ZNF280D: variants seen among roughly 807,000 people sequenced by gnomAD.
ZNF280D encodes suppressor of hairy wing homolog 4.
In ZNF280D, 39 loss-of-function variants were observed where a neutral mutation model predicts 94.7. The ratio of observed to expected loss-of-function variants is 0.41; its 90% CI spans 0.32 to 0.54. ZNF280D has a LOEUF of 0.54. ZNF280D is among the 20% of genes least tolerant of loss of function. ZNF280D has a pLI of 0.22. For synonymous variants in ZNF280D, 398 were observed against 377.6 expected, an observed-to-expected ratio of 1.05 and a Z score of -0.63; for missense variants, 1,090 against 1,149.3, an observed-to-expected ratio of 0.95 and a Z score of 0.75.
At chr15:56,672,483 T>C (rs904667210) in intron 13 of ZNF280D, among the ~76,000 whole-genome samples, 1 of 152,152 alleles carries the variant, frequency 6.6e-6, no homozygotes, top group African/African-American at 2.4e-5. Context: ...GTCACATTTA[T>C]TGATTTGCAT....
At chr15:56,662,860 T>C in intron 16 of ZNF280D, among the ~76,000 whole-genome samples, 1 of 145,954 alleles carries the variant, frequency 6.9e-6, no homozygotes, top group Non-Finnish European at 1.5e-5. Flanking sequence ...GCAAAATAGA[T>C]GAATAGTACA....
intron 13 of ZNF280D, among the ~76,000 whole-genome samples, chr15:56,669,438 G>A (rs2054523334): frequency 6.6e-6 from 1 of 151,874 alleles, no homozygotes; most frequent in African/African-American, 2.4e-5. Context: ...ATAAACCAAT[G>A]CTGTCCAATA....
chr15:56,678,072 A>T (rs2055364013), intron 11 of ZNF280D, among the ~76,000 whole-genome samples: 1 of 151,332 alleles, frequency 6.6e-6, no homozygotes, highest in African/African-American at 2.4e-5. Flanking sequence ...CAATGGCGCA[A>T]TCTCGGCTTA....
intron 13 of ZNF280D, among the ~76,000 whole-genome samples, chr15:56,673,194 G>C (rs534568793): frequency 6.6e-6 from 1 of 151,906 alleles, no homozygotes; most frequent in South Asian, 2.1e-4. Flanking sequence ...TAACATTACT[G>C]CTTGATGTCT....
chr15:56,729,964 T>C (rs1281020365), intron 1 of ZNF280D: 3 of 152,196 alleles, frequency 2.0e-5, no homozygotes, highest in African/African-American at 7.2e-5. Flanking sequence ...TCTAAGTACA[T>C]ACAAAGATAT....
intron 3 of ZNF280D, among the ~76,000 whole-genome samples, chr15:56,705,138 T>C (rs1247613425): frequency 6.6e-6 from 1 of 152,108 alleles, no homozygotes; most frequent in Non-Finnish European, 1.5e-5. Context: ...TATAGTATAG[T>C]CCATCTACCA....
chr15:56,658,463 T>A lies in ZNF280D; in HGVS notation c.2018A>T (p.Lys673Ile). 1 of 1,584,950 alleles carries A rather than the reference T, an allele frequency of 6.3e-7. No homozygotes were observed. The highest frequency in any genetic ancestry group is 8.5e-7 in the Non-Finnish European group (1 of 1,170,206). Residue 673 changes from lysine (K) to isoleucine (I), a missense_variant, in exon 17 of 22, where the codon AAA becomes ATA. Around this residue, in one of 3 missense-constraint regions of ZNF280D, gnomAD observed 577 missense variants for 568.8 expected, o/e 1.01. Coordinates refer to ENST00000267807, the MANE Select transcript of ZNF280D (RefSeq NM_017661.4). ...MMSFHSNRPS[K>I]RFCIFKKHSE... ...ATGCTTCTTAAAAATACAAAACCTT[T>A]TGCTTGGACGGTTACTATGAAAGCT...
intron 9 of ZNF280D, among the ~76,000 whole-genome samples, chr15:56,683,452 C>G (rs543835783): frequency 2.0e-5 from 3 of 152,060 alleles, no homozygotes; most frequent in South Asian, 2.1e-4. Context: ...GCCCTGGTAC[C>G]TTTTAGTTTT....
chr15:56,665,702 T>TAAAAAAAA (rs2054241140), intron 16 of ZNF280D, among the ~76,000 whole-genome samples: 1 of 25,892 alleles, frequency 3.9e-5, no homozygotes, highest in Non-Finnish European at 1.2e-4. Flanking sequence ...AGACTCCGTC[T>TAAAAAAAA]CAAAAAAAAA....
At chr15:56,722,929 G>T (rs1299649576) in intron 1 of ZNF280D, among the ~76,000 whole-genome samples, 1 of 151,692 alleles carries the variant, frequency 6.6e-6, no homozygotes, top group Non-Finnish European at 1.5e-5. Flanking sequence ...TCCTTTGTAG[G>T]GACATGGATG....
intron 1 of ZNF280D, among the ~76,000 whole-genome samples, chr15:56,722,553 G>C (rs2058421413): frequency 6.6e-6 from 1 of 152,122 alleles, no homozygotes; most frequent in Non-Finnish European, 1.5e-5. Context: ...ATCAAGAATG[G>C]CAATCATTAA....
intron 20 of ZNF280D, 128 bp from the exon 21 acceptor site, chr15:56,635,378 T>C (rs1306686896): frequency 7.6e-6 from 2 of 264,720 alleles, no homozygotes; most frequent in Non-Finnish European, 1.3e-5. Flanking sequence ...AGAAAAATAA[T>C]TTATTAAATA....
At chr15:56,668,713 T>C in intron 14 of ZNF280D, 110 bp downstream of exon 14, 2 of 1,048,410 alleles carry the variant, frequency 1.9e-6, no homozygotes, top group Non-Finnish European at 2.6e-6. Context: ...AAAATTAGAG[T>C]CTGAGCAAAA....
chr15:56,679,443 A>G (rs1436240208), intron 10 of ZNF280D, among the ~76,000 whole-genome samples: 1 of 152,218 alleles, frequency 6.6e-6, no homozygotes, highest in African/African-American at 2.4e-5. Flanking sequence ...ATACTGGTTT[A>G]CTGTTAGCAC....
In ZNF280D at chr15:56,659,066, T is replaced by C. The variant is rs1354116719; in HGVS notation, c.1995-580A>G. Among the ~76,000 whole-genome samples, 4 of 151,414 alleles carry C rather than the reference T, an allele frequency of 2.6e-5. No individual in the cohort carries two copies. In the East Asian group the frequency reaches 7.8e-4, roughly 29 times the overall value. On this transcript the variant is annotated intron_variant, in intron 16 of 21. Coordinates refer to ENST00000267807, the MANE Select transcript of ZNF280D (RefSeq NM_017661.4). ...AGATGGATCTCACTATGTTGCCCAG[T>C]TGGAATCAAACTCCTGGGCTCAAGT...
At position 56,666,378 on chromosome 15, in the gene ZNF280D, C is replaced by T. The variant is rs2054284583; in HGVS notation, c.1994+17G>A. The stretch of plus-strand genomic sequence containing the variant: ...CTATAATTTTAATTGGCAATTTACA[C>T]ATTTAATTCATCTTACCTCATCATA... On this transcript the variant is annotated intron_variant, in intron 16 of 21. Transcript: ENST00000267807. 5 of 1,599,462 alleles carry T rather than the reference C, an allele frequency of 3.1e-6. No individual in the cohort carries two copies. The highest frequency in any genetic ancestry group is 3.4e-6 in the Non-Finnish European group (4 of 1,175,024).
chr15:56,638,917 T>C (rs2052482320), intron 20 of ZNF280D, among the ~76,000 whole-genome samples: 1 of 152,024 alleles, frequency 6.6e-6, no homozygotes, highest in African/African-American at 2.4e-5. Flanking sequence ...CCTCATTCTT[T>C]AATTATGTAT....
chr15:56,666,576 A>G (rs953996806), intron 15 of ZNF280D, 41 bp from the exon 16 acceptor site: 5 of 1,536,986 alleles, frequency 3.3e-6, no homozygotes, highest in Non-Finnish European at 4.3e-6. Flanking sequence ...TATATTTTAA[A>G]ACAAAAATAA....
chr15:56,696,113 T>C (rs781598075), intron 6 of ZNF280D, among the ~76,000 whole-genome samples: 1 of 152,208 alleles, frequency 6.6e-6, no homozygotes, highest in Non-Finnish European at 1.5e-5. Context: ...ATCCTAGAAT[T>C]TGAGGCCTAG....
Sources: allele counts gnomAD v4.1 joint callset (sites outside exome capture counted in the v4.1 genomes callset), GRCh38; gene constraint gnomAD v4.1.1; regional missense constraint gnomAD v4.1.1; transcripts MANE v1.5; gene names NCBI Gene and HGNC (gene_info 2026-07-23, HGNC 2026-07-21).